The following RASSF3 variants were observed in gnomAD, a reference collection of about 807,000 sequenced individuals.
RASSF3 encodes Ras association domain family member 3, also known as ras association domain-containing protein 3.
Under a neutral mutation model 19.9 loss-of-function variants are expected in RASSF3, and 19 were observed. The ratio of observed to expected loss-of-function variants is 0.96; its 90% CI spans 0.67 to 1.40. The LOEUF (loss-of-function observed/expected upper bound fraction) is 1.40. RASSF3 is among the 40% of genes most tolerant of loss of function. The pLI, the probability that RASSF3 is intolerant of heterozygous loss-of-function variation, is 0.00. For missense variants in RASSF3, 306 were observed against 289.8 expected, an observed-to-expected ratio of 1.06 and a Z score of -0.41; for synonymous variants, 110 against 104.2, an observed-to-expected ratio of 1.06 and a Z score of -0.34.
chr12:64,558,350 C>T (rs974176021), intron 2 of RASSF3, among the ~76,000 whole-genome samples: 17 of 152,272 alleles, frequency 1.1e-4, no homozygotes, highest in East Asian at 9.6e-4. Flanking sequence ...CTTGGTTGAT[C>T]GGTACCTTTT....
At chr12:64,682,437 G>T (rs61931658) in intron 1 of RASSF3, among the ~76,000 whole-genome samples, 29,883 of 151,668 alleles carry the variant, frequency 0.2, 3,316 homozygotes, top group South Asian at 0.31. Context: ...CGTGGTGGCG[G>T]GCGCCTGTAG....
At chr12:64,596,128 T>C (rs1415899461) in intron 2 of RASSF3, among the ~76,000 whole-genome samples, 7 of 152,260 alleles carry the variant, frequency 4.6e-5, no homozygotes, top group African/African-American at 1.4e-4. Flanking sequence ...CTCAGTCTAC[T>C]AGCATTTGAT....
intron 1 of RASSF3, chr12:64,533,537 G>A (rs1413487804): frequency 6.6e-6 from 1 of 152,166 alleles, no homozygotes; most frequent in African/African-American, 2.4e-5. Context: ...CACAACTTAA[G>A]TTTTATTTCT....
chr12:64,621,605 G>A (rs549323021), intron 1 of RASSF3, among the ~76,000 whole-genome samples: 53 of 152,300 alleles, frequency 3.5e-4, no homozygotes, highest in African/African-American at 1.2e-3. Context: ...ATCCTCCCAA[G>A]TAGCTGGGAT....
chr12:64,583,957 A>G (rs1869747435), intron 2 of RASSF3, among the ~76,000 whole-genome samples: 1 of 152,242 alleles, frequency 6.6e-6, no homozygotes, highest in Non-Finnish European at 1.5e-5. Context: ...TGCTGCTTAA[A>G]TGTAGCTGCA....
chr12:64,612,807 T>G (rs1870417428), intron 1 of RASSF3, among the ~76,000 whole-genome samples: 1 of 152,158 alleles, frequency 6.6e-6, no homozygotes, highest in Non-Finnish European at 1.5e-5. Flanking sequence ...ATGCAATCAT[T>G]TATGTATCAT....
chr12:64,663,523 G>C (rs1160411415), intron 1 of RASSF3, among the ~76,000 whole-genome samples: 1 of 139,486 alleles, frequency 7.2e-6, no homozygotes, highest in Admixed American at 7.3e-5. Context: ...AATTGTTATT[G>C]TTATTTTTTT....
chr12:64,511,340 G>A (rs1027590153), intron 1 of RASSF3, among the ~76,000 whole-genome samples: 3 of 152,130 alleles, frequency 2.0e-5, no homozygotes, highest in Admixed American at 6.5e-5. Context: ...AAATTAAGCA[G>A]ACGTGGTGGT....
At chr12:64,659,238 A>C (rs1278159093) in intron 1 of RASSF3, among the ~76,000 whole-genome samples, 5 of 152,180 alleles carry the variant, frequency 3.3e-5, no homozygotes. Flanking sequence ...GAGGTGAGAG[A>C]GAGGTGGAGT....
chr12:64,640,007 T>G (rs1428510292), intron 1 of RASSF3, among the ~76,000 whole-genome samples: 1 of 152,248 alleles, frequency 6.6e-6, no homozygotes, highest in Non-Finnish European at 1.5e-5. Context: ...GCAGATTTAA[T>G]GTAGGTAGAT....
intron 2 of RASSF3, among the ~76,000 whole-genome samples, chr12:64,595,372 CA>C (rs1869984785): frequency 6.6e-6 from 1 of 152,004 alleles, no homozygotes; most frequent in Non-Finnish European, 1.5e-5. Flanking sequence ...CCAGCTTCTT[CA>C]TAACAAATCT....
At chr12:64,678,796 A>T (rs550446632) in intron 1 of RASSF3, among the ~76,000 whole-genome samples, 1 of 152,140 alleles carries the variant, frequency 6.6e-6, no homozygotes, top group Non-Finnish European at 1.5e-5. Flanking sequence ...TGGCACCAAT[A>T]GGCACTCAAT....
At chr12:64,612,957 G>A (rs1206301325) in intron 1 of RASSF3, among the ~76,000 whole-genome samples, 5 of 152,184 alleles carry the variant, frequency 3.3e-5, no homozygotes, top group African/African-American at 1.2e-4. Context: ...ATGTGTATTT[G>A]AAGCTTTATT....
At chr12:64,586,225 G>A (rs1869796419) in intron 2 of RASSF3, among the ~76,000 whole-genome samples, 1 of 151,870 alleles carries the variant, frequency 6.6e-6, no homozygotes, top group East Asian at 2.0e-4. Flanking sequence ...TTGAGAGGCT[G>A]AGGCAGGAGA....
chr12:64,689,220 G>GGTGTGTGTGTGTGTGT (rs10688391), intron 3 of RASSF3, among the ~76,000 whole-genome samples: 53 of 147,540 alleles, frequency 3.6e-4, no homozygotes, highest in African/African-American at 1.1e-3. Context: ...TTGAAATCGG[G>GGTGTGTGTGTGTGTGT]GTGTGTGTGT....
At chr12:64,621,692 G>A (rs1243434462) in intron 1 of RASSF3, among the ~76,000 whole-genome samples, 1 of 152,122 alleles carries the variant, frequency 6.6e-6, no homozygotes, top group Non-Finnish European at 1.5e-5. Context: ...GGATGGTCTC[G>A]AACTCCTGAT....
chr12:64,682,430 G>A (rs1316552706), intron 1 of RASSF3, among the ~76,000 whole-genome samples: 1 of 152,004 alleles, frequency 6.6e-6, no homozygotes, highest in Non-Finnish European at 1.5e-5. Flanking sequence ...AGCCGGGCGT[G>A]GTGGCGGGCG....
chr12:64,652,311 G>A (rs73321743), intron 1 of RASSF3, among the ~76,000 whole-genome samples: 8,773 of 152,064 alleles, frequency 0.058, 853 homozygotes, highest in African/African-American at 0.2. Flanking sequence ...ATCTTTCAGT[G>A]TGTTCTGTAG....
At chr12:64,658,525 G>C (rs1302309752) in intron 1 of RASSF3, among the ~76,000 whole-genome samples, 2 of 152,204 alleles carry the variant, frequency 1.3e-5, no homozygotes, top group Non-Finnish European at 1.5e-5. Context: ...AATTACGGCA[G>C]GCACAGTGGC....
Sources: gnomAD v4.1 joint callset for allele counts (sites outside exome capture counted in the v4.1 genomes callset) on GRCh38, gnomAD v4.1.1 for gene constraint, MANE v1.5 for transcripts, NCBI Gene and HGNC (gene_info 2026-07-23, HGNC 2026-07-21) for gene names.